The following VWA3A variants were observed in gnomAD, a reference collection of about 807,000 sequenced individuals.
The protein encoded by VWA3A is von Willebrand factor A domain containing 3A.
In VWA3A, 134 loss-of-function variants were observed where a neutral mutation model predicts 160.4. The observed-to-expected ratio is 0.84, with a 90% CI of 0.73 to 0.96. The LOEUF is 0.96. Ranked by LOEUF, VWA3A falls within the 40% of genes least tolerant of loss-of-function variation. VWA3A has a pLI of 0.00. For synonymous variants in VWA3A, 476 were observed against 543.4 expected (o/e 0.88, Z 1.72); for missense variants, 1,310 against 1,447.9 (o/e 0.90, Z 1.55).
rs369983535 is a variant in VWA3A at position 22,155,929 on chromosome 16, G to A, written c.*14+13G>A. The stretch of plus-strand genomic sequence containing the variant: ...GAAGTGTTCTCAGGTAAGGGGAGGG[G>A]CTAGACCCCATACTACCTGAGTGTG... On this transcript the variant is annotated intron_variant, in intron 33 of 33. Transcript: ENST00000389398. 2 of 1,613,398 alleles carry A rather than the reference G, an allele frequency of 1.2e-6. No individual in the cohort carries two copies. The highest frequency in any genetic ancestry group is 2.2e-5 in the East Asian group (1 of 44,872).
intron 11 of VWA3A, among the ~76,000 whole-genome samples, chr16:22,118,578 G>A (rs2045683352): frequency 1.3e-5 from 2 of 152,034 alleles, no homozygotes; most frequent in Non-Finnish European, 2.9e-5. Flanking sequence ...CCCAGCTACT[G>A]GGGAGGCTGA....
At chr16:22,135,121 A>T (rs1429478876) in intron 21 of VWA3A, among the ~76,000 whole-genome samples, 1 of 152,236 alleles carries the variant, frequency 6.6e-6, no homozygotes, top group Non-Finnish European at 1.5e-5. Context: ...ACTTGCTTGG[A>T]TATCAAGGAT....
At chr16:22,139,194 C>G (rs1359649158) in intron 22 of VWA3A, among the ~76,000 whole-genome samples, 4 of 152,182 alleles carry the variant, frequency 2.6e-5, no homozygotes, top group African/African-American at 9.7e-5. Context: ...AGAGCCTGTG[C>G]AGCCGGGTTC....
intron 16 of VWA3A, among the ~76,000 whole-genome samples, chr16:22,124,673 C>A (rs538296620): frequency 6.6e-6 from 1 of 151,772 alleles, no homozygotes; most frequent in African/African-American, 2.4e-5. Context: ...GGATTGCAGG[C>A]ATGAGCCACC....
At chr16:22,149,683 T>A (rs2046313685) in intron 28 of VWA3A, 104 bp from the exon 29 acceptor site, 1 of 1,367,864 alleles carries the variant, frequency 7.3e-7, no homozygotes, top group East Asian at 2.7e-5. Context: ...GCAAGAATAG[T>A]CCTCATGAGG....
At chr16:22,151,635 A>G (rs2046349739) in intron 30 of VWA3A, among the ~76,000 whole-genome samples, 2 of 151,998 alleles carry the variant, frequency 1.3e-5, no homozygotes, top group Admixed American at 6.6e-5. Flanking sequence ...GCTTTGGGAG[A>G]CTGAGGTGGG....
At chr16:22,138,688 C>T (rs866281016) in intron 22 of VWA3A, 176 bp downstream of exon 22, 8 of 837,868 alleles carry the variant, frequency 9.5e-6, no homozygotes, top group Middle Eastern at 6.0e-4. Context: ...CGCGGGGGGC[C>T]GGCTCCTCAG....
At position 22,120,967 on chromosome 16, in the gene VWA3A, G is replaced by C. The variant is rs751589242; in HGVS notation, c.1117-1G>C. On this transcript the variant is annotated splice_acceptor_variant, in intron 12 of 33. Coordinates refer to ENST00000389398, the MANE Select transcript of VWA3A (RefSeq NM_173615.5). LOFTEE classifies it high-confidence loss of function. ...AATGAGGGCTTTCTCATTTAACTTA[G>C]ATTTCCACAGAGATTACAAATGGGC... is the stretch of plus-strand genomic sequence containing the variant. The C allele has an allele frequency of 1.2e-6, 2 of 1,613,928 alleles. No homozygotes were observed. Among genetic ancestry groups the C allele is most frequent in the Non-Finnish European group, 1.7e-6 (2 of 1,179,862 alleles).
intron 7 of VWA3A, 145 bp downstream of exon 7, chr16:22,109,725 G>A (rs891791463): frequency 2.1e-5 from 14 of 675,634 alleles, no homozygotes; most frequent in Non-Finnish European, 3.3e-5. Context: ...AGCACCTGTG[G>A]TTAGAGAACT....
At chr16:22,140,098 G>A (rs895348737) in intron 22 of VWA3A, 56 bp from the exon 23 acceptor site, 12 of 1,550,674 alleles carry the variant, frequency 7.7e-6, no homozygotes, top group East Asian at 2.3e-5. Context: ...GGGTAACTGG[G>A]ATCCTGCGTG....
intron 5 of VWA3A, 28 bp downstream of exon 5, chr16:22,100,521 A>C: frequency 2.6e-6 from 4 of 1,541,546 alleles, no homozygotes; most frequent in Non-Finnish European, 3.5e-6. Flanking sequence ...TGTCCTCCCA[A>C]CACCACAGAA....
intron 19 of VWA3A, among the ~76,000 whole-genome samples, chr16:22,132,020 C>T (rs2045958193): frequency 6.6e-6 from 1 of 151,946 alleles, no homozygotes; most frequent in African/African-American, 2.4e-5. Flanking sequence ...CTCTTGAGCC[C>T]AGGTGCTCGA....
chr16:22,124,910 G>A (rs1266153348), intron 16 of VWA3A, among the ~76,000 whole-genome samples: 1 of 152,016 alleles, frequency 6.6e-6, no homozygotes, highest in African/African-American at 2.4e-5. Context: ...ATGAGAATGG[G>A]GCAGAAGGTG....
In VWA3A at chr16:22,100,236, T is replaced by A. The variant is rs1390879523; in HGVS notation, c.268T>A (p.Ser90Thr). Residue 90 changes from serine to threonine, a missense_variant, in exon 4 of 34, where the codon TCT becomes ACT. Transcript: ENST00000389398. ...GACCCAGTCTTCAGATTGGGAGGACTCTGAAGACTGGCTTTCGGCTCACAG... is the reference window on the plus strand; with the variant it reads ...GACCCAGTCTTCAGATTGGGAGGACACTGAAGACTGGCTTTCGGCTCACAG... ...SETQSSDWED[S>T]EDWLSAHSLK... 1 of 1,550,844 alleles carries A rather than the reference T, an allele frequency of 6.4e-7. No individual in the cohort carries two copies. Among genetic ancestry groups the A allele is most frequent in the African/African-American group, 1.4e-5 (1 of 72,972 alleles).
chr16:22,120,380 A>C (rs921715355), intron 12 of VWA3A, among the ~76,000 whole-genome samples: 5 of 152,170 alleles, frequency 3.3e-5, no homozygotes, highest in African/African-American at 1.2e-4. Context: ...TTCTTTCTAA[A>C]ATTGTGAAAG....
At chr16:22,148,102 C>T in intron 27 of VWA3A, 60 bp from the exon 28 acceptor site, 1 of 1,507,714 alleles carries the variant, frequency 6.6e-7, no homozygotes, top group Non-Finnish European at 8.9e-7. Context: ...TGAGGGAAAC[C>T]ACCCAGGAGG....
chr16:22,113,394 T>TTTTTTTTTTTTTTTTTTTC, intron 8 of VWA3A, among the ~76,000 whole-genome samples: 1 of 131,546 alleles, frequency 7.6e-6, no homozygotes, highest in East Asian at 2.1e-4. Context: ...TTTTTTTTTT[T>TTTTTTTTTTTTTTTTTTTC]TTGTATTTTT....
At chr16:22,143,964 T>A (rs1156455021) in intron 25 of VWA3A, among the ~76,000 whole-genome samples, 1 of 151,636 alleles carries the variant, frequency 6.6e-6, no homozygotes, top group African/African-American at 2.4e-5. Flanking sequence ...GTTCTCAAAC[T>A]CCTGACCTCA....
intron 10 of VWA3A, 75 bp from the exon 11 acceptor site, chr16:22,117,036 G>T: frequency 1.3e-6 from 2 of 1,506,040 alleles, no homozygotes; most frequent in South Asian, 2.4e-5. Flanking sequence ...TAATTGGGAG[G>T]TTCAGTCAAG....
Sources: allele counts gnomAD v4.1 joint callset (sites outside exome capture counted in the v4.1 genomes callset), GRCh38; gene constraint gnomAD v4.1.1; transcripts MANE v1.5; gene names NCBI Gene and HGNC (gene_info 2026-07-23, HGNC 2026-07-21).